Variants in KLHL1 observed in about 807,000 individuals in gnomAD.
KLHL1 encodes the protein kelch like family member 1.
A neutral mutation model predicts 77.7 loss-of-function variants in KLHL1; 47 were observed. The observed-to-expected ratio is 0.60, with a 90% confidence interval of 0.48 to 0.77. KLHL1 has a LOEUF of 0.77. Among genes scored for constraint, KLHL1 ranks in the 30% least tolerant of loss-of-function variants. The pLI, the probability that KLHL1 is intolerant of heterozygous loss-of-function variation, is 0.00. For synonymous variants in KLHL1, 360 were observed against 325.2 expected (o/e 1.11, Z -1.15); for missense variants, 925 against 910.8 (o/e 1.02, Z -0.20).
At chr13:69,778,753 T>C (rs1035194313) in intron 7 of KLHL1, among the ~76,000 whole-genome samples, 22 of 151,838 alleles carry the variant, frequency 1.4e-4, no homozygotes, top group African/African-American at 5.3e-4. Context: ...CTAGTGTTTA[T>C]ATCTACTGTA....
intron 1 of KLHL1, among the ~76,000 whole-genome samples, chr13:70,060,348 C>A (rs1886848533): frequency 6.6e-6 from 1 of 152,122 alleles, no homozygotes; most frequent in Non-Finnish European, 1.5e-5. Flanking sequence ...CTATAGAGAA[C>A]AGTATGCAGG....
chr13:69,853,791 GTT>G (rs1879786135), intron 5 of KLHL1, among the ~76,000 whole-genome samples: 1 of 151,834 alleles, frequency 6.6e-6, no homozygotes, highest in Admixed American at 6.6e-5. Flanking sequence ...TGTTGTTTTT[GTT>G]TTGTTTCATT....
At chr13:69,994,565 A>T (rs1262356983) in intron 1 of KLHL1, among the ~76,000 whole-genome samples, 4 of 152,148 alleles carry the variant, frequency 2.6e-5, no homozygotes, top group Non-Finnish European at 5.9e-5. Context: ...TACAAGATAT[A>T]TCACACATCA....
At chr13:70,059,930 A>C (rs570691190) in intron 1 of KLHL1, among the ~76,000 whole-genome samples, 56 of 152,320 alleles carry the variant, frequency 3.7e-4, no homozygotes, top group African/African-American at 1.3e-3. Flanking sequence ...ATCCACCCCC[A>C]TAAGCCAATC....
At chr13:70,059,833 A>G (rs2137403247) in intron 1 of KLHL1, among the ~76,000 whole-genome samples, 1 of 152,290 alleles carries the variant, frequency 6.6e-6, no homozygotes, top group East Asian at 1.9e-4. Context: ...AAAAGGAGGA[A>G]GAGAGAGCAG....
chr13:69,902,947 A>G (rs1054205427), intron 4 of KLHL1, among the ~76,000 whole-genome samples: 1 of 152,172 alleles, frequency 6.6e-6, no homozygotes, highest in Non-Finnish European at 1.5e-5. Flanking sequence ...TAGCTTTTCC[A>G]TTATATATAT....
At chr13:69,916,165 T>C (rs1882427109) in intron 4 of KLHL1, among the ~76,000 whole-genome samples, 1 of 152,014 alleles carries the variant, frequency 6.6e-6, no homozygotes, top group Non-Finnish European at 1.5e-5. Flanking sequence ...GTTCAACCAT[T>C]GTGGAAGTCA....
chr13:69,976,382 A>G (rs569364250), intron 1 of KLHL1, among the ~76,000 whole-genome samples: 153 of 152,242 alleles, frequency 1.0e-3, no homozygotes, highest in Non-Finnish European at 1.9e-3. Flanking sequence ...CTCAGTACTT[A>G]TAATAACTTT....
At chr13:70,087,288 T>A (rs533045417) in intron 1 of KLHL1, among the ~76,000 whole-genome samples, 22 of 152,126 alleles carry the variant, frequency 1.4e-4, no homozygotes, top group Non-Finnish European at 1.6e-4. Context: ...TATAGTAAAT[T>A]TGAGGGTAAA....
chr13:69,975,590 C>T (rs368996810), intron 2 of KLHL1, 30 bp downstream of exon 2: 1 of 1,584,680 alleles, frequency 6.3e-7, no homozygotes, highest in Non-Finnish European at 8.6e-7. Flanking sequence ...CATGTGAATG[C>T]ATGTTTCCAG....
At position 69,778,840 on chromosome 13, in the gene KLHL1, C is replaced by T. The variant is rs796312788; in HGVS notation, c.1639+17898G>A. ...TTGAGATGGAGTCTTGCTCTGTCAC[C>T]GAGGCTGGAGTACAGTGGTGCAATC... On this transcript the variant is annotated intron_variant, in intron 7 of 10. Transcript: ENST00000377844. Among the ~76,000 whole-genome samples, 14 of 141,270 alleles carry T rather than the reference C, an allele frequency of 9.9e-5. 1 individual carries two copies. Among genetic ancestry groups the T allele is most frequent in the South Asian group, 9.0e-4 (4 of 4,468 alleles). The allele number at this position is 141,270 out of a possible 152,430, so 92.7% of individuals were successfully genotyped here.
At chr13:69,851,155 G>C (rs1879673521) in intron 5 of KLHL1, among the ~76,000 whole-genome samples, 2 of 110,748 alleles carry the variant, frequency 1.8e-5, no homozygotes, top group East Asian at 2.8e-4. Flanking sequence ...TTTAAGTACT[G>C]TGTTTACTTA....
intron 1 of KLHL1, among the ~76,000 whole-genome samples, chr13:70,091,858 C>G (rs767280589): frequency 3.0e-4 from 46 of 152,264 alleles, no homozygotes; most frequent in Non-Finnish European, 6.0e-4. Context: ...TTTTCATAGA[C>G]TTTCATTCTG....
At chr13:70,105,604 A>G (rs1888034744) in intron 1 of KLHL1, among the ~76,000 whole-genome samples, 1 of 151,392 alleles carries the variant, frequency 6.6e-6, no homozygotes, top group Non-Finnish European at 1.5e-5. Context: ...TTTTGAATAT[A>G]TAAGGTGAAT....
At chr13:70,060,644 G>T (rs1013719412) in intron 1 of KLHL1, among the ~76,000 whole-genome samples, 4 of 152,044 alleles carry the variant, frequency 2.6e-5, no homozygotes, top group Non-Finnish European at 5.9e-5. Flanking sequence ...AGGAGTTCAA[G>T]ACCAGCCTGG....
chr13:69,806,807 G>A (rs1294501925), intron 6 of KLHL1, among the ~76,000 whole-genome samples: 2 of 152,172 alleles, frequency 1.3e-5, no homozygotes, highest in African/African-American at 4.8e-5. Flanking sequence ...TTTTGAGAGT[G>A]CAGATACTGG....
At chr13:69,954,904 A>C (rs1883821071) in intron 3 of KLHL1, among the ~76,000 whole-genome samples, 1 of 150,906 alleles carries the variant, frequency 6.6e-6, no homozygotes, top group African/African-American at 2.4e-5. Flanking sequence ...TATAAAAATT[A>C]TATTATTGAT....
rs529768881 is a variant in KLHL1, at chr13:69,926,566, C to A, written c.1014+13474G>T. On this transcript the variant is annotated intron_variant, in intron 4 of 10. Transcript: ENST00000377844. ...AATGTAATGCCTATCAAAATCCTAGCTGGCTATTTGCAGAAATTGGCAAGA... is the reference window on the plus strand; with the variant it reads ...AATGTAATGCCTATCAAAATCCTAGATGGCTATTTGCAGAAATTGGCAAGA... Among the ~76,000 whole-genome samples, 5 of 152,180 alleles carry A rather than the reference C, an allele frequency of 3.3e-5. No individual in the cohort carries two copies. The East Asian group carries it at 9.7e-4, about 30-fold the overall frequency.
At chr13:69,895,592 T>C (rs1376750273) in intron 4 of KLHL1, among the ~76,000 whole-genome samples, 1 of 152,214 alleles carries the variant, frequency 6.6e-6, no homozygotes, top group Non-Finnish European at 1.5e-5. Context: ...AGGTCAGAAG[T>C]GCAGGCAGAG....
Sources: gnomAD v4.1 joint callset for allele counts (sites outside exome capture counted in the v4.1 genomes callset) on GRCh38, gnomAD v4.1.1 for gene constraint, MANE v1.5 for transcripts, NCBI Gene and HGNC (gene_info 2026-07-23, HGNC 2026-07-21) for gene names.